The following SLCO5A1 variants were observed in gnomAD, a reference collection of about 807,000 sequenced individuals.
SLCO5A1 encodes solute carrier organic anion transporter family member 5A1, also known as organic anion transporter polypeptide-related protein 4.
Under a neutral mutation model 65.1 loss-of-function variants are expected in SLCO5A1, and 39 were observed. The ratio of observed to expected loss-of-function variants is 0.60; its 90% CI spans 0.46 to 0.78. The LOEUF (loss-of-function observed/expected upper bound fraction) is 0.78, where lower values mean the gene tolerates loss of function less well. Among genes scored for constraint, SLCO5A1 ranks in the 30% least tolerant of loss-of-function variants. The pLI is 0.00. For missense variants in SLCO5A1, 1,029 were observed against 1,069.4 expected, an observed-to-expected ratio of 0.96 and a Z score of 0.53; for synonymous variants, 438 against 415.7, an observed-to-expected ratio of 1.05 and a Z score of -0.65.
rs549591842 is a variant in SLCO5A1 at position 69,831,374 on chromosome 8, A to G, written c.907+393T>C. Among the ~76,000 whole-genome samples, 412 of 152,348 alleles carry G rather than the reference A, an allele frequency of 2.7e-3. 2 individuals are homozygous for G. Among genetic ancestry groups the G allele is most frequent in the African/African-American group, 9.5e-3 (394 of 41,582 alleles). ...GCTCTGGACAGAAATCAGAAGCAGC[A>G]GCAGATAGAAGCAGAAAATCATCAA... is the stretch of plus-strand genomic sequence containing the variant. On this transcript the variant is annotated intron_variant, in intron 2 of 9. Coordinates refer to ENST00000260126, the MANE Select transcript of SLCO5A1 (RefSeq NM_030958.3).
intron 2 of SLCO5A1, among the ~76,000 whole-genome samples, chr8:69,812,323 A>G (rs1329125842): frequency 6.6e-6 from 1 of 152,222 alleles, no homozygotes; most frequent in African/African-American, 2.4e-5. Flanking sequence ...CCATCTGAGC[A>G]GACATGGGTC....
rs1219741040 is a variant in SLCO5A1, at chr8:69,672,706, T to C, written c.*163A>G. On this transcript the variant is annotated 3_prime_UTR_variant, in exon 10 of 10. Coordinates refer to ENST00000260126, the MANE Select transcript of SLCO5A1 (RefSeq NM_030958.3). ...AAAGGCTCTCAGTCTTGTTGAGGTA[T>C]CCAGCCCTCAATGAATAGCGGCTGT... The C allele has an allele frequency of 2.4e-5, 17 of 713,182 alleles. No individual in the cohort carries two copies. The highest frequency in any genetic ancestry group is 3.6e-5 in the Non-Finnish European group (16 of 442,190). 44.2% of individuals were successfully genotyped at this position (713,182 alleles called of 1,614,324 possible).
chr8:69,754,655 G>T (rs866147453), intron 4 of SLCO5A1, among the ~76,000 whole-genome samples: 12 of 152,150 alleles, frequency 7.9e-5, no homozygotes, highest in Admixed American at 5.9e-4. Flanking sequence ...GGGACTTATT[G>T]TCATTCAACA....
At position 69,672,669 on chromosome 8, in the gene SLCO5A1, A is replaced by G. The variant is rs1813375228; in HGVS notation, c.*200T>C. On this transcript the variant is annotated 3_prime_UTR_variant, in exon 10 of 10. Coordinates refer to ENST00000260126, the MANE Select transcript of SLCO5A1 (RefSeq NM_030958.3). ...ATCTAGCTGAACGTCTCCTTCTTGG[A>G]GAGAAGCGGGGAAAGGCTCTCAGTC... 1.7e-6 allele frequency: 1 copy of G among 600,808 alleles called. No homozygotes were observed. Among genetic ancestry groups the G allele is most frequent in the Non-Finnish European group, 2.9e-6 (1 of 347,912 alleles). 37.2% of individuals were successfully genotyped at this position (600,808 alleles called of 1,614,324 possible).
intron 2 of SLCO5A1, among the ~76,000 whole-genome samples, chr8:69,798,854 C>T (rs1159430497): frequency 6.6e-6 from 1 of 152,228 alleles, no homozygotes; most frequent in Non-Finnish European, 1.5e-5. Flanking sequence ...GAATGCTATA[C>T]ATTGGCCATG....
At chr8:69,784,162 C>T (rs1217345653) in intron 2 of SLCO5A1, among the ~76,000 whole-genome samples, 1 of 152,136 alleles carries the variant, frequency 6.6e-6, no homozygotes, top group East Asian at 1.9e-4. Flanking sequence ...TGCAAAGACT[C>T]ATACCCAGAA....
chr8:69,735,495 C>T (rs115248855), intron 5 of SLCO5A1, among the ~76,000 whole-genome samples: 4,266 of 152,132 alleles, frequency 0.028, 159 homozygotes, highest in African/African-American at 0.08. Context: ...AGCCATAAAA[C>T]GGAACAAAAT....
chr8:69,750,705 T>C (rs1817258767), intron 4 of SLCO5A1, among the ~76,000 whole-genome samples: 1 of 152,176 alleles, frequency 6.6e-6, no homozygotes, highest in African/African-American at 2.4e-5. Context: ...CTCCTCCATA[T>C]AACTTTTCCT....
At position 69,807,072 on chromosome 8, in the gene SLCO5A1, T is replaced by C. The variant is rs779644606; in HGVS notation, c.907+24695A>G. ...AAAAAGAATAAAGCTGGAGGCATCA[T>C]ATTACCCAATTTCAAACTGTACTAC... is the stretch of plus-strand genomic sequence containing the variant. On this transcript the variant is annotated intron_variant, in intron 2 of 9. Transcript: ENST00000260126. 5.8e-4 allele frequency among the ~76,000 whole-genome samples: 89 copies of C among 152,178 alleles called. 2 individuals are homozygous for C. Among genetic ancestry groups the C allele is most frequent in the Admixed American group, 2.6e-4 (4 of 15,276 alleles).
rs1292656114 is a variant in SLCO5A1 at position 69,668,430 on chromosome 8, C to G, written c.*4439G>C. ...CTGGGATTATACAGTATTTTGGTAT[C>G]TATCTGCTACTTAGAATACTCAGTA... On this transcript the variant is annotated 3_prime_UTR_variant, in exon 10 of 10. Coordinates refer to ENST00000260126, the MANE Select transcript of SLCO5A1 (RefSeq NM_030958.3). 4.6e-5 allele frequency: 7 copies of G among 152,206 alleles called. No homozygotes were observed. The highest frequency in any genetic ancestry group is 1.5e-5 in the Non-Finnish European group (1 of 68,038). The allele number at this position is 152,206 out of a possible 1,614,324, so 9.4% of individuals were successfully genotyped here. A position where few individuals can be genotyped will look rare whatever the true frequency, so the allele number is the denominator to read the frequency against.
chr8:69,727,041 C>G (rs2130832143), intron 5 of SLCO5A1, among the ~76,000 whole-genome samples: 1 of 152,300 alleles, frequency 6.6e-6, no homozygotes, highest in Non-Finnish European at 1.5e-5. Context: ...ATCCTCAGAG[C>G]CTTTGCTACC....
At chr8:69,722,776 G>GGT (rs56353428) in intron 5 of SLCO5A1, among the ~76,000 whole-genome samples, 9,004 of 148,058 alleles carry the variant, frequency 0.061, 492 homozygotes, top group African/African-American at 0.14. Flanking sequence ...ACACATGCAT[G>GGT]GTGTGTGTGT....
rs532687459 is a variant in SLCO5A1, at chr8:69,710,593, A to G, written c.1424-5364T>C. ...TGTGATTAATTTACCTTTAGAATGA[A>G]AACGTTTTATTCATAAAATTTCAAT... On this transcript the variant is annotated intron_variant, in intron 5 of 9. Transcript: ENST00000260126. 2.0e-5 allele frequency among the ~76,000 whole-genome samples: 3 copies of G among 152,308 alleles called. No individual in the cohort carries two copies. The East Asian group carries it at 5.8e-4, about 29-fold the overall frequency.
intron 5 of SLCO5A1, among the ~76,000 whole-genome samples, chr8:69,737,561 A>T (rs1816611336): frequency 6.6e-6 from 1 of 152,232 alleles, no homozygotes; most frequent in Non-Finnish European, 1.5e-5. Flanking sequence ...GACATCAAAC[A>T]TCTAAAATAA....
intron 2 of SLCO5A1, among the ~76,000 whole-genome samples, chr8:69,765,601 C>A (rs957400089): frequency 9.2e-5 from 14 of 152,134 alleles, no homozygotes; most frequent in Non-Finnish European, 2.1e-4. Context: ...AAACCCGTAC[C>A]ACTCAACTCT....
rs114318412 is a variant in SLCO5A1, at chr8:69,709,308, A to T, written c.1424-4079T>A. On this transcript the variant is annotated intron_variant, in intron 5 of 9. Coordinates refer to ENST00000260126, the MANE Select transcript of SLCO5A1 (RefSeq NM_030958.3). Reference sequence around the variant, plus strand: ...AAAGGGAATGAATGGTTGAATGTGGAGGGGAAATTTCAGCTAATGACAATG... The same window carrying T: ...AAAGGGAATGAATGGTTGAATGTGGTGGGGAAATTTCAGCTAATGACAATG... 7.9e-3 allele frequency among the ~76,000 whole-genome samples: 1,210 copies of T among 152,296 alleles called. 25 individuals are homozygous for T. The highest frequency in any genetic ancestry group is 0.028 in the African/African-American group (1,149 of 41,556).
At chr8:69,768,949 A>AT (rs1253637179) in intron 2 of SLCO5A1, among the ~76,000 whole-genome samples, 1 of 152,124 alleles carries the variant, frequency 6.6e-6, no homozygotes, top group Non-Finnish European at 1.5e-5. Context: ...AGCCTTGGAC[A>AT]TGATTTCTCT....
chr8:69,734,327 G>GA (rs1423514208), intron 5 of SLCO5A1, among the ~76,000 whole-genome samples: 1 of 152,048 alleles, frequency 6.6e-6, no homozygotes. Context: ...TCCTCCACAG[G>GA]AAATAAACAC....
chr8:69,680,537 A>G (rs1813725935), intron 7 of SLCO5A1, among the ~76,000 whole-genome samples: 1 of 152,150 alleles, frequency 6.6e-6, no homozygotes. Context: ...TTCATCACTG[A>G]TGAGCACCTA....
Sources: gnomAD v4.1 joint callset for allele counts (sites outside exome capture counted in the v4.1 genomes callset) on GRCh38, gnomAD v4.1.1 for gene constraint, MANE v1.5 for transcripts, NCBI Gene and HGNC (gene_info 2026-07-23, HGNC 2026-07-21) for gene names.